The following INTS9 variants were observed in gnomAD, a reference collection of about 807,000 sequenced individuals.
The protein encoded by INTS9 is protein related to CPSF subunits of 74 kDa.
In INTS9, 55 loss-of-function variants were observed where a neutral mutation model predicts 79.7. The ratio of observed to expected loss-of-function variants is 0.69; its 90% CI spans 0.56 to 0.86. The LOEUF (loss-of-function observed/expected upper bound fraction) is 0.86. Ranked by LOEUF, INTS9 falls within the 40% of genes least tolerant of loss-of-function variation. The pLI is 0.00. For missense variants in INTS9, 721 were observed against 831.5 expected, an observed-to-expected ratio of 0.87 and a Z score of 1.64; for synonymous variants, 319 against 325.2, an observed-to-expected ratio of 0.98 and a Z score of 0.20.
intron 14 of INTS9, among the ~76,000 whole-genome samples, chr8:28,771,623 A>ATACT (rs1485217345): frequency 6.6e-6 from 1 of 152,266 alleles, no homozygotes; most frequent in Non-Finnish European, 1.5e-5. Flanking sequence ...GCAGCTTAGG[A>ATACT]TACTTAAGCA....
At chr8:28,783,142 CAAAAAAAAAAAAAAA>C (rs559306996) in intron 11 of INTS9, among the ~76,000 whole-genome samples, 4 of 111,680 alleles carry the variant, frequency 3.6e-5, no homozygotes, top group Non-Finnish European at 3.4e-5. Flanking sequence ...GACTCCGTCT[CAAAAAAAAAAAAAAA>C]AAAAAAAAAA....
chr8:28,884,810 T>C (rs1293292552), intron 1 of INTS9, among the ~76,000 whole-genome samples: 1 of 152,252 alleles, frequency 6.6e-6, no homozygotes, highest in East Asian at 1.9e-4. Flanking sequence ...CAATTTGTAC[T>C]GCAATAGTTG....
chr8:28,777,816 T>C lies in INTS9; in HGVS notation c.1395+13A>G. 6.3e-7 allele frequency: 1 copy of C among 1,595,176 alleles called. No individual in the cohort carries two copies. The highest frequency in any genetic ancestry group is 8.5e-7 in the Non-Finnish European group (1 of 1,171,488). ...CATGACTACGTGAAGGCACAAGCAG[T>C]GTCCTTCATTACCTGCACTTCTTTA... On this transcript the variant is annotated intron_variant, in intron 13 of 16. Transcript: ENST00000521022.
chr8:28,868,011 G>A lies in INTS9; in HGVS notation c.10-8448C>T, dbSNP rs773385634. ...GTGCCAGGACTTGAACCTGGACAGT[G>A]AGCTCCGGAATCAGTACAGTTAGCC... On this transcript the variant is annotated intron_variant, in intron 1 of 16. Coordinates refer to ENST00000521022, the MANE Select transcript of INTS9 (RefSeq NM_018250.4). Among the ~76,000 whole-genome samples, 17 of 152,282 alleles carry A rather than the reference G, an allele frequency of 1.1e-4. No individual in the cohort carries two copies. The South Asian group carries it at 2.3e-3, about 20-fold the overall frequency.
At chr8:28,867,828 TA>T (rs1226090999) in intron 1 of INTS9, among the ~76,000 whole-genome samples, 1 of 152,168 alleles carries the variant, frequency 6.6e-6, no homozygotes, top group Non-Finnish European at 1.5e-5. Context: ...CTATGGTGTT[TA>T]TTAGGTATCG....
At chr8:28,884,683 T>C (rs184300788) in intron 1 of INTS9, among the ~76,000 whole-genome samples, 1 of 152,294 alleles carries the variant, frequency 6.6e-6, no homozygotes, top group East Asian at 1.9e-4. Context: ...GAGGTTATGA[T>C]AAAATATGAC....
At chr8:28,881,765 C>T (rs1269020330) in intron 1 of INTS9, among the ~76,000 whole-genome samples, 7 of 146,614 alleles carry the variant, frequency 4.8e-5, no homozygotes, top group African/African-American at 7.6e-5. Flanking sequence ...CGCCTCTGCC[C>T]GGCCGCCCCT....
chr8:28,771,033 C>T lies in INTS9; in HGVS notation c.1611G>A (p.Leu537=). ...VPMEIKPGIS[L]ATVSAVLHTK... ...TGTGCAGCACGGCCGAGACAGTTGC[C>T]AAGGAGATGCCAGGCTTGATCTCCA... is the stretch of plus-strand genomic sequence containing the variant. The change falls in exon 15 of 17, where the codon TTG becomes TTA. Residue 537 remains leucine, a synonymous_variant. Transcript: ENST00000521022. 6.2e-7 allele frequency: 1 copy of T among 1,613,518 alleles called. No homozygotes were observed. Among genetic ancestry groups the T allele is most frequent in the Non-Finnish European group, 8.5e-7 (1 of 1,179,784 alleles).
At chr8:28,815,692 G>T (rs1403149304) in intron 6 of INTS9, among the ~76,000 whole-genome samples, 2 of 152,052 alleles carry the variant, frequency 1.3e-5, no homozygotes, top group African/African-American at 4.8e-5. Flanking sequence ...ATACCAAAAA[G>T]AAATGAAGAG....
At chr8:28,796,740 T>C in intron 8 of INTS9, 85 bp from the exon 9 acceptor site, 1 of 859,228 alleles carries the variant, frequency 1.2e-6, no homozygotes, top group East Asian at 2.5e-5. Context: ...ACACAGACAT[T>C]GCTCTTTCTA....
intron 6 of INTS9, among the ~76,000 whole-genome samples, chr8:28,819,880 T>G (rs567345621): frequency 6.6e-6 from 1 of 152,236 alleles, no homozygotes; most frequent in Non-Finnish European, 1.5e-5. Flanking sequence ...TTCTTCTTGT[T>G]GAATTGATCC....
chr8:28,775,037 A>C (rs978773420), intron 14 of INTS9, among the ~76,000 whole-genome samples: 1 of 152,198 alleles, frequency 6.6e-6, no homozygotes, highest in Non-Finnish European at 1.5e-5. Context: ...CAAGTTTACA[A>C]TCCTTATTTT....
intron 6 of INTS9, among the ~76,000 whole-genome samples, chr8:28,817,727 T>TGTTCTTC (rs1805580724): frequency 1.6e-5 from 2 of 122,668 alleles, no homozygotes; most frequent in African/African-American, 6.4e-5. Flanking sequence ...TGGCATTGAA[T>TGTTCTTC]CTATAAATTA....
At position 28,837,727 on chromosome 8, in the gene INTS9, T is replaced by C; in HGVS notation, c.311A>G (p.Tyr104Cys). ...STVDVILISN[Y>C]HCMMALPYIT... ...GTATGGCAGCGCCATCATACAGTGA[T>C]AGTTAGAGATGAGAATCACATCTAC... The change falls in exon 5 of 17, where the codon TAT (tyrosine) becomes TGT (cysteine). Residue 104 changes from tyrosine (Y) to cysteine (C), a missense_variant. Physicochemically the swap from Tyr to Cys is radical, Grantham distance 194. This residue lies in a region of INTS9 where 291 missense variants were observed against 307.0 expected (regional missense o/e 0.95). Coordinates refer to ENST00000521022, the MANE Select transcript of INTS9 (RefSeq NM_018250.4). The C allele has an allele frequency of 6.2e-7, 1 of 1,614,042 alleles. No individual in the cohort carries two copies. The highest frequency in any genetic ancestry group is 8.5e-7 in the Non-Finnish European group (1 of 1,179,930).
At chr8:28,868,569 C>T (rs1020507663) in intron 1 of INTS9, among the ~76,000 whole-genome samples, 2 of 152,190 alleles carry the variant, frequency 1.3e-5, no homozygotes, top group Non-Finnish European at 2.9e-5. Context: ...CATTTGACAT[C>T]AGCATAAAGT....
chr8:28,786,533 T>G (rs1803601425), intron 11 of INTS9, among the ~76,000 whole-genome samples: 1 of 152,128 alleles, frequency 6.6e-6, no homozygotes, highest in African/African-American at 2.4e-5. Context: ...CCTCCAGTGA[T>G]CCTCCCACTT....
At chr8:28,845,765 G>C (rs1807473446) in intron 4 of INTS9, among the ~76,000 whole-genome samples, 1 of 152,154 alleles carries the variant, frequency 6.6e-6, no homozygotes. Context: ...GATTCTTTCA[G>C]CTTTACGCTT....
intron 1 of INTS9, among the ~76,000 whole-genome samples, chr8:28,880,339 A>G (rs1009790696): frequency 8.8e-5 from 13 of 148,064 alleles, no homozygotes; most frequent in East Asian, 2.0e-4. Context: ...CTGCCATCTC[A>G]GCTCACTGCA....
At chr8:28,840,251 C>T (rs1449725041) in intron 4 of INTS9, among the ~76,000 whole-genome samples, 12 of 151,578 alleles carry the variant, frequency 7.9e-5, no homozygotes, top group African/African-American at 2.7e-4. Context: ...GATACCATCT[C>T]ACACCAGTTA....
Sources: allele counts gnomAD v4.1 joint callset (sites outside exome capture counted in the v4.1 genomes callset), GRCh38; gene constraint gnomAD v4.1.1; regional missense constraint gnomAD v4.1.1; transcripts MANE v1.5; gene names NCBI Gene and HGNC (gene_info 2026-07-23, HGNC 2026-07-21).